Variants in ATP2B1 observed in about 807,000 individuals in gnomAD.
The protein encoded by ATP2B1 is ATPase plasma membrane Ca2+ transporting 1, also known as plasma membrane calcium-transporting ATPase 1.
Under a neutral mutation model 124.2 loss-of-function variants are expected in ATP2B1, and 14 were observed. The ratio of observed to expected loss-of-function variants is 0.11; its 90% CI spans 0.07 to 0.18. ATP2B1 has a LOEUF of 0.18. ATP2B1 is among the 10% of genes least tolerant of loss of function. ATP2B1 has a pLI of 1.00. For synonymous variants in ATP2B1, 449 were observed against 492.4 expected (o/e 0.91, Z 1.17); for missense variants, 763 against 1,466.1 (o/e 0.52, Z 7.83).
At position 89,603,011 on chromosome 12, in the gene ATP2B1, C is replaced by T; in HGVS notation, c.3060+32G>A. ...TACCTAATGTCTCCCATTTAACAGG[C>T]AAATTTGAAACTATCTTTTCCAATT... On this transcript the variant is annotated intron_variant, in intron 18 of 20. Transcript: ENST00000428670. This position sits in a 1 kb window ranked among gnomAD's most constrained non-coding sequence, Gnocchi z 4.3. The T allele has an allele frequency of 1.9e-6, 3 of 1,595,352 alleles. No individual in the cohort carries two copies. The highest frequency in any genetic ancestry group is 2.6e-6 in the Non-Finnish European group (3 of 1,165,912).
At chr12:89,664,418 G>C (rs1189998485) in intron 1 of ATP2B1, among the ~76,000 whole-genome samples, 2 of 152,100 alleles carry the variant, frequency 1.3e-5, no homozygotes, top group Non-Finnish European at 2.9e-5. Flanking sequence ...TTTGGTCTAC[G>C]GTCAAGTCAG....
intron 15 of ATP2B1, among the ~76,000 whole-genome samples, chr12:89,606,732 C>T (rs1214263279): frequency 6.6e-6 from 1 of 151,990 alleles, no homozygotes; most frequent in Non-Finnish European, 1.5e-5. Context: ...CATCACCACA[C>T]CCACTATTTT....
chr12:89,656,022 A>G lies in ATP2B1; in HGVS notation c.-136T>C. 1.2e-6 allele frequency: 1 copy of G among 844,654 alleles called. No individual in the cohort carries two copies. Among genetic ancestry groups the G allele is most frequent in the Non-Finnish European group, 1.8e-6 (1 of 568,096 alleles). The allele number at this position is 844,654 out of a possible 1,614,324, so 52.3% of individuals were successfully genotyped here. A position where few individuals can be genotyped will look rare whatever the true frequency, so the allele number is the denominator to read the frequency against. The stretch of plus-strand genomic sequence containing the variant: ...CACTCATTGTATGACTTTGTAAAGC[A>G]GCATCAGCAGCAACATTTCCCAGAG... On this transcript the variant is annotated 5_prime_UTR_variant, in exon 2 of 21. Coordinates refer to ENST00000428670, the MANE Select transcript of ATP2B1 (RefSeq NM_001366521.1).
In ATP2B1 at chr12:89,620,038, C is replaced by T. The variant is rs1314253150; in HGVS notation, c.1790G>A (p.Arg597Gln). 6.2e-6 allele frequency: 10 copies of T among 1,613,994 alleles called. No individual in the cohort carries two copies. The highest frequency in any genetic ancestry group is 3.3e-5 in the Admixed American group (2 of 60,014). The change falls in exon 11 of 21, where the codon CGA becomes CAA. Residue 597 changes from arginine to glutamine, a missense_variant. Coordinates refer to ENST00000428670, the MANE Select transcript of ATP2B1 (RefSeq NM_001366521.1). ...TVLKNSDGSY[R>Q]IFSKGASEII... ...CTCAGATGCACCCTTGCTGAATATT[C>T]GATAACTTCCATCTGAATTTTTCAG...
At chr12:89,675,044 G>A (rs530851325) in intron 1 of ATP2B1, among the ~76,000 whole-genome samples, 3 of 152,236 alleles carry the variant, frequency 2.0e-5, no homozygotes, top group South Asian at 2.1e-4. Context: ...TCAGAAACTC[G>A]AGATATTATG....
intron 3 of ATP2B1, among the ~76,000 whole-genome samples, chr12:89,640,148 G>C (rs1883286475): frequency 6.6e-6 from 1 of 151,960 alleles, no homozygotes; most frequent in Non-Finnish European, 1.5e-5. Flanking sequence ...TACATAAAAG[G>C]GTATAGCAGG....
chr12:89,598,543 G>C (rs1288930233), intron 20 of ATP2B1: 1 of 1,563,134 alleles, frequency 6.4e-7, no homozygotes, highest in Non-Finnish European at 8.7e-7. Flanking sequence ...CGTTAGGTGT[G>C]TGAAGTAGGA....
intron 12 of ATP2B1, 90 bp downstream of exon 12, chr12:89,616,712 G>T: frequency 7.9e-7 from 1 of 1,258,162 alleles, no homozygotes; most frequent in Non-Finnish European, 1.1e-6. Flanking sequence ...CAAACACCAA[G>T]AATTTTACTA....
chr12:89,658,947 T>C (rs959862293), intron 1 of ATP2B1, among the ~76,000 whole-genome samples: 55 of 152,284 alleles, frequency 3.6e-4, no homozygotes, highest in Admixed American at 1.4e-3. Context: ...ACCTACAAAT[T>C]ATGCAGCAGG....
chr12:89,670,930 T>C (rs1056845794), intron 1 of ATP2B1, among the ~76,000 whole-genome samples: 5 of 116,166 alleles, frequency 4.3e-5, no homozygotes, highest in African/African-American at 1.3e-4. Context: ...GAAAGAAGTA[T>C]AACAGTTCAG....
chr12:89,591,817 T>G (rs1478975422), intron 20 of ATP2B1, among the ~76,000 whole-genome samples: 1 of 151,984 alleles, frequency 6.6e-6, no homozygotes, highest in African/African-American at 2.4e-5. Context: ...CACTACTCCC[T>G]TAATTAAAAA....
chr12:89,646,691 G>T (rs986977701), intron 2 of ATP2B1, among the ~76,000 whole-genome samples: 1 of 152,216 alleles, frequency 6.6e-6, no homozygotes, highest in Non-Finnish European at 1.5e-5. Flanking sequence ...CGGTGTGGAA[G>T]AAAGTCTGAT....
intron 20 of ATP2B1, among the ~76,000 whole-genome samples, chr12:89,597,962 A>C (rs1915108): frequency 0.94 from 137,856 of 146,070 alleles, 65,104 homozygotes; most frequent in East Asian, 0.99. Flanking sequence ...GAAAAAAAAA[A>C]CACCCCAAAC....
chr12:89,611,350 C>A lies in ATP2B1; in HGVS notation c.2090G>T (p.Cys697Phe). ...RPEVPDAIKK[C>F]QRAGITVRMV... The stretch of plus-strand genomic sequence containing the variant: ...CCGCACAGTAATTCCAGCCCTCTGA[C>A]ACTTTTTAATTGCATCTGGCACCTG... Residue 697 changes from cysteine to phenylalanine, a missense_variant, in exon 13 of 21, where the codon TGT becomes TTT. Physicochemically the swap from Cys to Phe is radical, Grantham distance 205. Transcript: ENST00000428670. 1 of 1,535,048 alleles carries A rather than the reference C, an allele frequency of 6.5e-7. No individual in the cohort carries two copies. Among genetic ancestry groups the A allele is most frequent in the Non-Finnish European group, 8.7e-7 (1 of 1,144,574 alleles).
At chr12:89,697,673 T>C (rs1593008191) in intron 1 of ATP2B1, among the ~76,000 whole-genome samples, 1 of 6,336 alleles carries the variant, frequency 1.6e-4, no homozygotes, top group African/African-American at 3.9e-4. Context: ...CAAAAGGCTT[T>C]TTTTTTTTTT....
intron 1 of ATP2B1, among the ~76,000 whole-genome samples, chr12:89,683,417 G>A (rs1009757951): frequency 6.6e-6 from 1 of 152,122 alleles, no homozygotes; most frequent in Non-Finnish European, 1.5e-5. Flanking sequence ...CCCACTCTTC[G>A]GATATGCCCT....
intron 3 of ATP2B1, among the ~76,000 whole-genome samples, chr12:89,639,342 A>G (rs1883164112): frequency 6.6e-6 from 1 of 152,006 alleles, no homozygotes; most frequent in Admixed American, 6.6e-5. Flanking sequence ...CGTGTCTACT[A>G]AAAATACAAA....
intron 3 of ATP2B1, among the ~76,000 whole-genome samples, chr12:89,636,350 C>G (rs536094920): frequency 9.9e-5 from 15 of 151,348 alleles, no homozygotes; most frequent in Non-Finnish European, 1.5e-4. Flanking sequence ...TGGCTCATGA[C>G]CAGCATTCTG....
Position 89,635,085 on chromosome 12 carries a change from T to C in ATP2B1, c.573A>G (p.Glu191=). 6.2e-7 allele frequency: 1 copy of C among 1,613,984 alleles called. No homozygotes were observed. The highest frequency in any genetic ancestry group is 8.5e-7 in the Non-Finnish European group (1 of 1,179,894). ...FRGLQSRIEQ[E]QKFTVIRGGQ... ...CACCCCTGATGACAGTGAACTTCTG[T>C]TCTTGTTCAATTCGGCTCTGCAAAC... Residue 191 remains glutamate (E), a synonymous_variant, in exon 4 of 21, where the codon GAA becomes GAG. Coordinates refer to ENST00000428670, the MANE Select transcript of ATP2B1 (RefSeq NM_001366521.1).
Sources: gnomAD v4.1 joint callset for allele counts (sites outside exome capture counted in the v4.1 genomes callset) on GRCh38, gnomAD v4.1.1 for gene constraint, Gnocchi (gnomAD v3.1) non-coding constraint, MANE v1.5 for transcripts, NCBI Gene and HGNC (gene_info 2026-07-23, HGNC 2026-07-21) for gene names.